The following NOL4 variants were observed in gnomAD, a reference collection of about 807,000 sequenced individuals.
NOL4 encodes cancer/testis antigen 125.
A neutral mutation model predicts 75.9 loss-of-function variants in NOL4; 17 were observed. The ratio of observed to expected loss-of-function variants is 0.22; its 90% CI spans 0.15 to 0.34. NOL4 has a LOEUF of 0.34. Ranked by LOEUF, NOL4 falls within the 10% of genes least tolerant of loss-of-function variation. The pLI, the probability that NOL4 is intolerant of heterozygous loss-of-function variation, is 1.00. For missense variants in NOL4, 614 were observed against 793.5 expected, an observed-to-expected ratio of 0.77 and a Z score of 2.72; for synonymous variants, 292 against 289.9, an observed-to-expected ratio of 1.01 and a Z score of -0.07.
chr18:33,898,130 C>T (rs2065527613), intron 9 of NOL4, among the ~76,000 whole-genome samples: 1 of 152,108 alleles, frequency 6.6e-6, no homozygotes, highest in African/African-American at 2.4e-5. Flanking sequence ...CCAGGCTGGT[C>T]TCAAACTCCT....
rs142938152 is a variant in NOL4, at chr18:33,901,157, T to C, written c.1543-17733A>G. ...TTATTTTATATTTGCCTTTGATAGA[T>C]ATTTTAAGATATCAGGGTTTGGCAT... On this transcript the variant is annotated intron_variant, in intron 9 of 10. Transcript: ENST00000261592. Among the ~76,000 whole-genome samples, 249 of 152,306 alleles carry C rather than the reference T, an allele frequency of 1.6e-3. 1 individual carries two copies. Among genetic ancestry groups the C allele is most frequent in the African/African-American group, 5.4e-3 (225 of 41,572 alleles).
chr18:33,970,110 T>C (rs188799442), intron 6 of NOL4, among the ~76,000 whole-genome samples: 5 of 152,328 alleles, frequency 3.3e-5, no homozygotes, highest in African/African-American at 1.2e-4. Flanking sequence ...CCTGAAAGTC[T>C]GAGGAACACA....
intron 2 of NOL4, among the ~76,000 whole-genome samples, chr18:34,126,557 T>C (rs1033239688): frequency 1.3e-5 from 2 of 152,176 alleles, no homozygotes; most frequent in South Asian, 2.1e-4. Flanking sequence ...TTATTTTACA[T>C]GTAGCAAGAA....
chr18:33,863,581 G>A (rs1239572158), intron 10 of NOL4, among the ~76,000 whole-genome samples: 1 of 152,110 alleles, frequency 6.6e-6, no homozygotes, highest in Non-Finnish European at 1.5e-5. Flanking sequence ...GCTCTGAAAT[G>A]ATCTTCTTTG....
At chr18:34,040,893 T>C (rs2076111249) in intron 5 of NOL4, among the ~76,000 whole-genome samples, 1 of 151,926 alleles carries the variant, frequency 6.6e-6, no homozygotes, top group Admixed American at 6.6e-5. Flanking sequence ...AATTGTAAAA[T>C]TAGTAAAAGA....
At chr18:33,924,292 A>C (rs1310358318) in intron 9 of NOL4, among the ~76,000 whole-genome samples, 1 of 152,190 alleles carries the variant, frequency 6.6e-6, no homozygotes, top group African/African-American at 2.4e-5. Context: ...AAAGAACTAA[A>C]TGCTGGGACA....
chr18:34,190,591 C>A (rs1055466458), intron 1 of NOL4, among the ~76,000 whole-genome samples: 2 of 151,838 alleles, frequency 1.3e-5, no homozygotes, highest in Admixed American at 6.6e-5. Flanking sequence ...GAGTCCTAGT[C>A]TCTTTTTTAT....
chr18:34,163,515 C>T lies in NOL4; in HGVS notation c.265-33495G>A, dbSNP rs553372161. Among the ~76,000 whole-genome samples, 1,337 of 152,096 alleles carry T rather than the reference C, an allele frequency of 8.8e-3. 4 individuals are homozygous for T. Among genetic ancestry groups the T allele is most frequent in the Middle Eastern group, 0.034 (10 of 294 alleles). On this transcript the variant is annotated intron_variant, in intron 1 of 10. Transcript: ENST00000261592. ...AACTGCTTCAAAGAGAATAAAATACCTAGGAATCCAACTTACAAGGGATGT... is the reference window on the plus strand; with the variant it reads ...AACTGCTTCAAAGAGAATAAAATACTTAGGAATCCAACTTACAAGGGATGT...
At chr18:34,104,021 T>C (rs372137308) in intron 4 of NOL4, 26 bp downstream of exon 4, 25 of 1,480,416 alleles carry the variant, frequency 1.7e-5, no homozygotes, top group Non-Finnish European at 2.3e-5. Context: ...TTGTAAGTAA[T>C]ACAAATGTAG....
At chr18:34,102,233 C>A (rs901057191) in intron 4 of NOL4, among the ~76,000 whole-genome samples, 1 of 151,928 alleles carries the variant, frequency 6.6e-6, no homozygotes, top group South Asian at 2.1e-4. Flanking sequence ...TATATGTTTA[C>A]CCCCACAAAA....
At chr18:33,970,497 A>G (rs550026508) in intron 6 of NOL4, among the ~76,000 whole-genome samples, 1 of 152,242 alleles carries the variant, frequency 6.6e-6, no homozygotes, top group Admixed American at 6.5e-5. Context: ...TTATGTATGA[A>G]TTGTAGAATG....
intron 10 of NOL4, among the ~76,000 whole-genome samples, chr18:33,857,023 A>C (rs1442498745): frequency 6.6e-6 from 1 of 151,996 alleles, no homozygotes; most frequent in African/African-American, 2.4e-5. Context: ...AATTTTTTTC[A>C]AATACTTTTA....
At position 33,883,410 on chromosome 18, in the gene NOL4, T is replaced by G; in HGVS notation, c.1557A>C (p.Pro519=). 6.2e-7 allele frequency: 1 copy of G among 1,607,104 alleles called. No homozygotes were observed. The highest frequency in any genetic ancestry group is 1.1e-5 in the South Asian group (1 of 89,892). The change falls in exon 10 of 11, where the codon CCA becomes CCC. Residue 519 remains proline, a synonymous_variant. Transcript: ENST00000261592. ...RLERQQDESA[P]ADKQCKPEAT... ...CCTCTGGTTTACACTGTTTGTCAGCTGGAGCAGACTCATCCTGCAAGGACA... is the reference window on the plus strand; with the variant it reads ...CCTCTGGTTTACACTGTTTGTCAGCGGGAGCAGACTCATCCTGCAAGGACA...
At chr18:34,211,349 T>A (rs2036504954) in intron 1 of NOL4, among the ~76,000 whole-genome samples, 1 of 152,190 alleles carries the variant, frequency 6.6e-6, no homozygotes, top group Non-Finnish European at 1.5e-5. Context: ...AATGACCATG[T>A]AAACAGAGTG....
At chr18:33,946,646 C>T (rs563657527) in intron 8 of NOL4, among the ~76,000 whole-genome samples, 1 of 151,862 alleles carries the variant, frequency 6.6e-6, no homozygotes, top group South Asian at 2.1e-4. Context: ...CAGCTAACCA[C>T]ACATTGCATT....
At chr18:33,936,589 C>A (rs1346199618) in intron 9 of NOL4, among the ~76,000 whole-genome samples, 1 of 152,006 alleles carries the variant, frequency 6.6e-6, no homozygotes, top group Non-Finnish European at 1.5e-5. Context: ...TCCCGTGTGT[C>A]TTAGCTACTG....
intron 6 of NOL4, among the ~76,000 whole-genome samples, chr18:33,984,114 T>G (rs1341231343): frequency 6.6e-6 from 1 of 152,024 alleles, no homozygotes; most frequent in African/African-American, 2.4e-5. Flanking sequence ...AAAAAAAATG[T>G]TTTCTTGATT....
intron 2 of NOL4, among the ~76,000 whole-genome samples, chr18:34,110,805 G>A (rs1274093711): frequency 6.6e-6 from 1 of 151,894 alleles, no homozygotes; most frequent in East Asian, 1.9e-4. Context: ...CCAAAACAAT[G>A]TTAGAACTTA....
chr18:34,208,040 A>T (rs1285173753), intron 1 of NOL4, among the ~76,000 whole-genome samples: 1 of 152,180 alleles, frequency 6.6e-6, no homozygotes, highest in Non-Finnish European at 1.5e-5. Flanking sequence ...CTGGACAGAA[A>T]GAGCTTTTCT....
Sources: gnomAD v4.1 joint callset for allele counts (sites outside exome capture counted in the v4.1 genomes callset) on GRCh38, gnomAD v4.1.1 for gene constraint, MANE v1.5 for transcripts, NCBI Gene and HGNC (gene_info 2026-07-23, HGNC 2026-07-21) for gene names.